Variants in SH2B3 observed in about 807,000 individuals in gnomAD.
SH2B3 encodes the protein SH2B adaptor protein 3.
In SH2B3, 43 loss-of-function variants were observed where a neutral mutation model predicts 51.9. The observed-to-expected ratio is 0.83, with a 90% CI of 0.65 to 1.07. The LOEUF is 1.07. SH2B3 is among the 50% of genes least tolerant of loss of function. The pLI is 0.00. For synonymous variants in SH2B3, 396 were observed against 376.0 expected, an observed-to-expected ratio of 1.05 and a Z score of -0.62; for missense variants, 952 against 834.3, an observed-to-expected ratio of 1.14 and a Z score of -1.74.
chr12:111,405,788 A>G (rs547691207), upstream of SH2B3, among the ~76,000 whole-genome samples: 33 of 151,684 alleles, frequency 2.2e-4, no homozygotes, highest in African/African-American at 7.5e-4. This position sits in a 1 kb window ranked among gnomAD's most constrained non-coding sequence, Gnocchi z 5.4. Context: ...CTCCGCCCTC[A>G]TGGCCCGCCC....
In SH2B3 at chr12:111,450,664, G is replaced by A. The variant is rs1874500483; in HGVS notation, c.*2362G>A. On this transcript the variant is annotated 3_prime_UTR_variant, in exon 8 of 8. Transcript: ENST00000341259. ...TAACAGGCTGCAAAGTGCAAGTTCA[G>A]ATTCTGTGGCAGAGATTTGGAAGGC... 6.6e-6 allele frequency: 1 copy of A among 152,670 alleles called. No homozygotes were observed. The highest frequency in any genetic ancestry group is 2.4e-5 in the African/African-American group (1 of 41,446). 9.5% of individuals were successfully genotyped at this position (152,670 alleles called of 1,614,324 possible).
intron 2 of SH2B3, chr12:111,443,690 G>A (rs1251481038): frequency 1.1e-4 from 16 of 152,238 alleles, no homozygotes; most frequent in Non-Finnish European, 2.4e-4. Flanking sequence ...ACTCAGAGGG[G>A]ACTGTCATGC....
intron 2 of SH2B3, among the ~76,000 whole-genome samples, chr12:111,427,432 C>T (rs889487844): frequency 6.8e-6 from 1 of 146,100 alleles, no homozygotes; most frequent in East Asian, 2.1e-4. Context: ...GAGGATCTGG[C>T]GGTGCCAGGC....
chr12:111,435,583 T>C lies in SH2B3; in HGVS notation c.733-11170T>C, dbSNP rs533498104. Among the ~76,000 whole-genome samples, 1 of 152,278 alleles carries C rather than the reference T, an allele frequency of 6.6e-6. No individual in the cohort carries two copies. The highest frequency in any genetic ancestry group is 2.4e-5 in the African/African-American group (1 of 41,566). On this transcript the variant is annotated intron_variant, in intron 2 of 7. Coordinates refer to ENST00000341259, the MANE Select transcript of SH2B3 (RefSeq NM_005475.3). This position sits in a 1 kb window ranked among gnomAD's most constrained non-coding sequence, Gnocchi z 4.8. ...CATGTTGGCCAGGCTGGTCTCGAAC[T>C]CCTGACCTCAAGTGATCCGCCCATC...
upstream of SH2B3, among the ~76,000 whole-genome samples, chr12:111,404,980 C>A (rs1870145400): frequency 6.6e-6 from 1 of 152,126 alleles, no homozygotes; most frequent in African/African-American, 2.4e-5. Context: ...GACTTGTTTC[C>A]TGTTGGGGGA....
At chr12:111,432,336 C>T (rs1223082746) in intron 2 of SH2B3, among the ~76,000 whole-genome samples, 3 of 151,994 alleles carry the variant, frequency 2.0e-5, no homozygotes, top group African/African-American at 4.8e-5. Flanking sequence ...ACAGCCACCG[C>T]GCCCAGCCCA....
chr12:111,413,461 T>C (rs12297345), intron 1 of SH2B3, among the ~76,000 whole-genome samples: 2 of 152,112 alleles, frequency 1.3e-5, no homozygotes, highest in African/African-American at 2.4e-5. Flanking sequence ...ATTGTTCTTA[T>C]GGGAGGACTG....
At chr12:111,411,315 C>G (rs1353739739) in intron 1 of SH2B3, among the ~76,000 whole-genome samples, 2 of 150,698 alleles carry the variant, frequency 1.3e-5, no homozygotes, top group African/African-American at 2.4e-5. Context: ...GATCATGCCA[C>G]TACACTCCAG....
chr12:111,449,332 T>C lies in SH2B3; in HGVS notation c.*1030T>C, dbSNP rs1874373612. ...AGGCTGGCTTGGTGCCCTCCAAGCATCTAATGGCTTATTAAATTATCCCAC... is the reference window on the plus strand; with the variant it reads ...AGGCTGGCTTGGTGCCCTCCAAGCACCTAATGGCTTATTAAATTATCCCAC... On this transcript the variant is annotated 3_prime_UTR_variant, in exon 8 of 8. Coordinates refer to ENST00000341259, the MANE Select transcript of SH2B3 (RefSeq NM_005475.3). 6.6e-6 allele frequency: 1 copy of C among 152,234 alleles called. No individual in the cohort carries two copies. Among genetic ancestry groups the C allele is most frequent in the Non-Finnish European group, 1.5e-5 (1 of 68,044 alleles). 9.4% of individuals were successfully genotyped at this position (152,234 alleles called of 1,614,324 possible).
chr12:111,435,499 T>C lies in SH2B3; in HGVS notation c.733-11254T>C, dbSNP rs1271553351. Among the ~76,000 whole-genome samples, 3 of 152,224 alleles carry C rather than the reference T, an allele frequency of 2.0e-5. No homozygotes were observed. Among genetic ancestry groups the C allele is most frequent in the Admixed American group, 6.5e-5 (1 of 15,280 alleles). On this transcript the variant is annotated intron_variant, in intron 2 of 7. Coordinates refer to ENST00000341259, the MANE Select transcript of SH2B3 (RefSeq NM_005475.3). The surrounding 1 kb of genome is among the most constrained non-coding windows in gnomAD (Gnocchi z 4.8). The stretch of plus-strand genomic sequence containing the variant: ...CCTCAGCCTCCTGAGTAGCTGGGAC[T>C]ACACATGCACCACCACGCCTGGCTA...
Position 111,418,197 on chromosome 12 carries a change from T to C in SH2B3, c.52T>C (p.Ser18Pro). 1 of 1,573,410 alleles carries C rather than the reference T, an allele frequency of 6.4e-7. No homozygotes were observed. The highest frequency in any genetic ancestry group is 1.1e-5 in the South Asian group (1 of 87,346). The change falls in exon 2 of 8, where the codon TCC (serine) becomes CCC (proline). Residue 18 changes from serine to proline, a missense_variant. By Grantham distance (74) the Ser-to-Pro change is moderately conservative. Transcript: ENST00000341259. This position sits in a 1 kb window ranked among gnomAD's most constrained non-coding sequence, Gnocchi z 6.7. ...CTCGCCCTCTTCCGCGCCCTCAGCC[T>C]CCCCGGCGGCGGCCCCGCGGGGCTG... ...PSSPSSAPSA[S>P]PAAAPRGWSE...
intron 2 of SH2B3, among the ~76,000 whole-genome samples, chr12:111,433,274 C>T (rs892897769): frequency 6.6e-5 from 10 of 152,070 alleles, no homozygotes; most frequent in African/African-American, 2.4e-4. Flanking sequence ...TCACTTGAAC[C>T]CAGGAGGTGG....
chr12:111,445,176 A>C (rs990707468), intron 2 of SH2B3, among the ~76,000 whole-genome samples: 1 of 152,142 alleles, frequency 6.6e-6, no homozygotes, highest in African/African-American at 2.4e-5. Context: ...AGCGGAACTG[A>C]AAGGGAGACT....
At chr12:111,405,866 C>G (rs1870197185), upstream of SH2B3, 1 of 152,034 alleles carries the variant, frequency 6.6e-6, no homozygotes, top group Non-Finnish European at 1.5e-5. This position sits in a 1 kb window ranked among gnomAD's most constrained non-coding sequence, Gnocchi z 5.4. Flanking sequence ...CCCTGCCCCG[C>G]CCCTGTCGCG....
rs1474908917 is a variant in SH2B3, at chr12:111,447,724, G to A, written c.1305G>A (p.Val435=). 6.2e-7 allele frequency: 1 copy of A among 1,614,040 alleles called. No individual in the cohort carries two copies. The highest frequency in any genetic ancestry group is 1.7e-5 in the Admixed American group (1 of 60,024). Reference sequence around the variant, plus strand: ...AGCACCTCCACTTTCCCTCGGTCGTGGACATGCTCCACCACTTCCAGCGCT... The same window carrying A: ...AGCACCTCCACTTTCCCTCGGTCGTAGACATGCTCCACCACTTCCAGCGCT... The part of the protein sequence containing the change: ...RVQHLHFPSV[V]DMLHHFQRSP... The change falls in exon 7 of 8, where the codon GTG becomes GTA. Residue 435 remains valine (V), a synonymous_variant. Coordinates refer to ENST00000341259, the MANE Select transcript of SH2B3 (RefSeq NM_005475.3).
chr12:111,427,983 G>A (rs1026216890), intron 2 of SH2B3, among the ~76,000 whole-genome samples: 1 of 152,246 alleles, frequency 6.6e-6, no homozygotes, highest in African/African-American at 2.4e-5. Flanking sequence ...AGAGGGGCTT[G>A]GAACCTGGGC....
chr12:111,418,294 G>T lies in SH2B3; in HGVS notation c.149G>T (p.Arg50Leu), dbSNP rs745914275. 14 of 1,535,250 alleles carry T rather than the reference G, an allele frequency of 9.1e-6. No individual in the cohort carries two copies. In the Admixed American group the frequency reaches 2.3e-4, roughly 26 times the overall value. The change falls in exon 2 of 8, where the codon CGG (arginine) becomes CTG (leucine). Residue 50 changes from arginine to leucine, a missense_variant. By Grantham distance (102) the Arg-to-Leu change is moderately radical. Coordinates refer to ENST00000341259, the MANE Select transcript of SH2B3 (RefSeq NM_005475.3). This position sits in a 1 kb window ranked among gnomAD's most constrained non-coding sequence, Gnocchi z 6.7. ...GCCCGCCAGTACTGGCTGTTCGCCC[G>T]GGAGCATCCGCAGCACGCGCCGCTG... is the stretch of plus-strand genomic sequence containing the variant. ...ELARQYWLFA[R>L]EHPQHAPLRA... is the part of the protein sequence containing the mutation.
At chr12:111,421,637 G>C (rs1250708466) in intron 2 of SH2B3, among the ~76,000 whole-genome samples, 1 of 151,774 alleles carries the variant, frequency 6.6e-6, no homozygotes, top group African/African-American at 2.4e-5. Flanking sequence ...GGCTGGTCTC[G>C]AACTCCTGGG....
chr12:111,432,924 A>G (rs1230896094), intron 2 of SH2B3, among the ~76,000 whole-genome samples: 1 of 152,206 alleles, frequency 6.6e-6, no homozygotes, highest in Non-Finnish European at 1.5e-5. Flanking sequence ...ACATCAGGTT[A>G]TCTCCACTTT....
Sources: gnomAD v4.1 joint callset for allele counts (sites outside exome capture counted in the v4.1 genomes callset) on GRCh38, gnomAD v4.1.1 for gene constraint, Gnocchi (gnomAD v3.1) non-coding constraint, MANE v1.5 for transcripts, NCBI Gene and HGNC (gene_info 2026-07-23, HGNC 2026-07-21) for gene names.